Variants in CYTH3 observed in about 807,000 individuals in gnomAD.
CYTH3 encodes cytohesin 3.
In CYTH3, 23 loss-of-function variants were observed where a neutral mutation model predicts 55.1. That is an observed-to-expected ratio of 0.42 (90% CI 0.30 to 0.59). The LOEUF is 0.59. Among genes scored for constraint, CYTH3 ranks in the 20% least tolerant of loss-of-function variants. The probability of loss-of-function intolerance (pLI) is 0.20; values close to 1 mark genes in which losing one functional copy is unlikely to be tolerated. For missense variants in CYTH3, 413 were observed against 524.8 expected, an observed-to-expected ratio of 0.79 and a Z score of 2.08; for synonymous variants, 249 against 194.9, an observed-to-expected ratio of 1.28 and a Z score of -2.31.
At chr7:6,202,348 G>T (rs189789828) in intron 1 of CYTH3, among the ~76,000 whole-genome samples, 3 of 152,302 alleles carry the variant, frequency 2.0e-5, no homozygotes, top group African/African-American at 7.2e-5. Context: ...CTCAGCCCCC[G>T]GCTGGCCTTC....
chr7:6,194,351 G>A (rs1483477893), intron 1 of CYTH3, among the ~76,000 whole-genome samples: 1 of 152,190 alleles, frequency 6.6e-6, no homozygotes, highest in Non-Finnish European at 1.5e-5. Context: ...TACTCAGGAG[G>A]CTGAGGTGGG....
chr7:6,253,605 C>CA (rs1424133289), intron 1 of CYTH3, among the ~76,000 whole-genome samples: 3 of 151,908 alleles, frequency 2.0e-5, no homozygotes, highest in African/African-American at 7.3e-5. Context: ...ATCACAAGGT[C>CA]AGGAGTTTGA....
At chr7:6,176,565 G>C (rs1783357402) in intron 5 of CYTH3, among the ~76,000 whole-genome samples, 1 of 152,034 alleles carries the variant, frequency 6.6e-6, no homozygotes, top group South Asian at 2.1e-4. Flanking sequence ...CTGGCCAATT[G>C]AGTTTTGTAT....
In CYTH3 at chr7:6,164,859, C is replaced by T. The variant is rs1782940578; in HGVS notation, c.*85G>A. 1 of 1,475,392 alleles carries T rather than the reference C, an allele frequency of 6.8e-7. No individual in the cohort carries two copies. The highest frequency in any genetic ancestry group is 9.5e-7 in the Non-Finnish European group (1 of 1,056,916). 91.4% of individuals were successfully genotyped at this position (1,475,392 alleles called of 1,614,324 possible). A position where few individuals can be genotyped will look rare whatever the true frequency, so the allele number is the denominator to read the frequency against. ...GCTTGCACCGCAGGGCGACTGCCTCCCTGCCACGCCTTCCGCGGAGGGGCC... is the reference window on the plus strand; with the variant it reads ...GCTTGCACCGCAGGGCGACTGCCTCTCTGCCACGCCTTCCGCGGAGGGGCC... On this transcript the variant is annotated 3_prime_UTR_variant, in exon 13 of 13. Coordinates refer to ENST00000350796, the MANE Select transcript of CYTH3 (RefSeq NM_004227.4).
intron 1 of CYTH3, among the ~76,000 whole-genome samples, chr7:6,258,220 G>A (rs994284249): frequency 2.0e-5 from 3 of 151,698 alleles, no homozygotes; most frequent in African/African-American, 7.3e-5. Flanking sequence ...GGCTGAGGTG[G>A]GGGGATCACT....
intron 1 of CYTH3, among the ~76,000 whole-genome samples, chr7:6,268,433 G>C (rs1278310314): frequency 6.6e-6 from 1 of 152,150 alleles, no homozygotes; most frequent in Non-Finnish European, 1.5e-5. Flanking sequence ...GCCTCCCAAA[G>C]TGCTAGGATT....
At chr7:6,246,146 T>A (rs1779809440) in intron 1 of CYTH3, among the ~76,000 whole-genome samples, 1 of 151,974 alleles carries the variant, frequency 6.6e-6, no homozygotes, top group Non-Finnish European at 1.5e-5. Flanking sequence ...AGAGACATGA[T>A]CACAGCTCAC....
rs397889923 is a variant in CYTH3 at position 6,255,758 on chromosome 7, G to GTTTTTTT, written c.34+16709_34+16715dup. Among the ~76,000 whole-genome samples the GTTTTTTT allele has an allele frequency of 1.1e-4, 10 of 89,402 alleles. 1 individual carries two copies. The highest frequency in any genetic ancestry group is 3.0e-4 in the East Asian group (1 of 3,326). 58.7% of individuals were successfully genotyped at this position (89,402 alleles called of 152,430 possible). Reference sequence around the variant, plus strand: ...ACTACCCAAGTTTGACCTTTAATCTGTTTTTTTTTTTTTTTTTTTTTTTGA... The same window carrying GTTTTTTT: ...ACTACCCAAGTTTGACCTTTAATCTGTTTTTTTTTTTTTTTTTTTTTTTTTTTTTTGA... On this transcript the variant is annotated intron_variant, in intron 1 of 12. Transcript: ENST00000350796.
intron 1 of CYTH3, among the ~76,000 whole-genome samples, chr7:6,195,240 G>C (rs903989258): frequency 6.6e-6 from 1 of 152,080 alleles, no homozygotes; most frequent in African/African-American, 2.4e-5. Flanking sequence ...AGAACACAAT[G>C]TTCAGCTTAT....
Position 6,170,278 on chromosome 7 carries a change from C to A in CYTH3, c.823+257G>T. 2.0e-6 allele frequency: 1 copy of A among 502,932 alleles called. No homozygotes were observed. The highest frequency in any genetic ancestry group is 2.8e-5 in the South Asian group (1 of 35,286). The allele number at this position is 502,932 out of a possible 1,614,324, so 31.2% of individuals were successfully genotyped here. A position where few individuals can be genotyped will look rare whatever the true frequency, so the allele number is the denominator to read the frequency against. ...AAGCTGCCCTGGCTGGATCTGGATG[C>A]TAACTCAGCAGTTTTCTGGGACGGG... On this transcript the variant is annotated intron_variant, in intron 9 of 12. Coordinates refer to ENST00000350796, the MANE Select transcript of CYTH3 (RefSeq NM_004227.4). This position sits in a 1 kb window ranked among gnomAD's most constrained non-coding sequence, Gnocchi z 7.8.
intron 1 of CYTH3, 82 bp from the exon 2 acceptor site, chr7:6,190,613 A>G: frequency 9.4e-7 from 1 of 1,059,224 alleles, no homozygotes; most frequent in Non-Finnish European, 1.3e-6. Flanking sequence ...ACATGCTGCC[A>G]CCCAGCAATT....
chr7:6,215,568 C>T (rs551112979), intron 1 of CYTH3, among the ~76,000 whole-genome samples: 66 of 138,988 alleles, frequency 4.7e-4, no homozygotes, highest in South Asian at 3.6e-3. Flanking sequence ...CCAGCCTGGG[C>T]GACAGAGCAA....
In CYTH3 at chr7:6,190,470, C is replaced by G. The variant is rs1273526452; in HGVS notation, c.96G>C (p.Lys32Asn). The G allele has an allele frequency of 4.4e-6, 6 of 1,352,778 alleles. No individual in the cohort carries two copies. In the Admixed American group the frequency reaches 8.2e-5, roughly 18 times the overall value. The allele number at this position is 1,352,778 out of a possible 1,614,324, so 83.8% of individuals were successfully genotyped here. The change falls in exon 2 of 13, where the codon AAG becomes AAC. Residue 32 changes from lysine (K) to asparagine (N), a missense_variant. Lys to Asn is a moderately conservative substitution (Grantham distance 94). Transcript: ENST00000350796. ...EELLDIRRRK[K>N]ELIDDIERLK... ...TTACCTCAATGTCATCAATAAGTTC[C>G]TTTTTTCTTCGACGAATGTCTAGAA...
chr7:6,205,442 T>C (rs1306047026), intron 1 of CYTH3, among the ~76,000 whole-genome samples: 8 of 151,694 alleles, frequency 5.3e-5, no homozygotes, highest in African/African-American at 1.9e-4. Context: ...GGCATGGCAG[T>C]GCACGCCTGT....
chr7:6,186,724 G>A lies in CYTH3; in HGVS notation c.249+326C>T, dbSNP rs547746932. On this transcript the variant is annotated intron_variant, in intron 4 of 12. Transcript: ENST00000350796. ...TGACCCAGGTCAAGCGGGAAGATGC[G>A]AATATGAGCCTCGACAGCAAGGGCA... Among the ~76,000 whole-genome samples the A allele has an allele frequency of 5.3e-5, 8 of 152,222 alleles. No individual in the cohort carries two copies. In the South Asian group the frequency reaches 1.2e-3, roughly 24 times the overall value.
At chr7:6,224,315 T>TTA (rs1425410190) in intron 1 of CYTH3, among the ~76,000 whole-genome samples, 2 of 86,664 alleles carry the variant, frequency 2.3e-5, no homozygotes, top group Admixed American at 2.4e-4. Context: ...CAAAAATAGG[T>TTA]AAAAAAAAAA....
In CYTH3 at chr7:6,170,481, C is replaced by A. The variant is rs1783145996; in HGVS notation, c.823+54G>T. ...ATGAGCCTGGGAGGAACCCGAGGGG[C>A]TGCTGCCATGGGCAGAGGGGTCACG... On this transcript the variant is annotated intron_variant, in intron 9 of 12. Transcript: ENST00000350796. The surrounding 1 kb of genome is among the most constrained non-coding windows in gnomAD (Gnocchi z 7.8). The A allele has an allele frequency of 6.5e-7, 1 of 1,529,974 alleles. No homozygotes were observed. The highest frequency in any genetic ancestry group is 9.0e-7 in the Non-Finnish European group (1 of 1,115,892). 94.8% of individuals were successfully genotyped at this position (1,529,974 alleles called of 1,614,324 possible).
intron 1 of CYTH3, among the ~76,000 whole-genome samples, chr7:6,256,086 G>C (rs955195861): frequency 6.6e-6 from 1 of 152,146 alleles, no homozygotes; most frequent in African/African-American, 2.4e-5. Flanking sequence ...TTTAACCAAA[G>C]TTGAAATGGC....
chr7:6,186,761 C>G (rs1367807209), intron 4 of CYTH3, among the ~76,000 whole-genome samples: 1 of 152,192 alleles, frequency 6.6e-6, no homozygotes, highest in East Asian at 1.9e-4. Flanking sequence ...TGCCTGGAGC[C>G]AAGCCCGGCC....
Sources: allele counts gnomAD v4.1 joint callset (sites outside exome capture counted in the v4.1 genomes callset), GRCh38; gene constraint gnomAD v4.1.1; non-coding constraint Gnocchi (gnomAD v3.1); transcripts MANE v1.5; gene names NCBI Gene and HGNC (gene_info 2026-07-23, HGNC 2026-07-21).